Variants in NIBAN2 observed in about 807,000 individuals in gnomAD.
NIBAN2 encodes protein Niban 2.
NIBAN2 carries 36 observed loss-of-function variants against 81.8 expected under a neutral mutation model. That is an observed-to-expected ratio of 0.44 (90% CI 0.34 to 0.58). The LOEUF (loss-of-function observed/expected upper bound fraction) is 0.58. Among genes scored for constraint, NIBAN2 ranks in the 20% least tolerant of loss-of-function variants. The probability of loss-of-function intolerance (pLI) is 0.02; values close to 1 mark genes in which losing one functional copy is unlikely to be tolerated. For missense variants in NIBAN2, 897 were observed against 1,014.1 expected, an observed-to-expected ratio of 0.88 and a Z score of 1.57; for synonymous variants, 445 against 441.6, an observed-to-expected ratio of 1.01 and a Z score of -0.10.
chr9:127,571,208 A>C (rs956777190), upstream of NIBAN2, among the ~76,000 whole-genome samples: 1 of 147,908 alleles, frequency 6.8e-6, no homozygotes, highest in African/African-American at 2.7e-5. Flanking sequence ...CCTGCCTACC[A>C]TGTGAGGCCC....
chr9:127,578,801 G>A, intron 1 of NIBAN2: 1 of 923,466 alleles, frequency 1.1e-6, no homozygotes, highest in East Asian at 2.7e-5. Flanking sequence ...AGGCTGCATT[G>A]AGCTATGATC....
At chr9:127,576,721 TGG>T (rs1838012541) in intron 1 of NIBAN2, among the ~76,000 whole-genome samples, 1 of 151,034 alleles carries the variant, frequency 6.6e-6, no homozygotes. Context: ...GAGACCAGCC[TGG>T]GCAACATAGC....
rs1263601229 is a variant in NIBAN2 at position 127,508,937 on chromosome 9, G to A, written c.1317+39C>T. 13 of 1,611,638 alleles carry A rather than the reference G, an allele frequency of 8.1e-6. No homozygotes were observed. The highest frequency in any genetic ancestry group is 1.1e-5 in the South Asian group (1 of 90,970). On this transcript the variant is annotated intron_variant, in intron 10 of 13. Transcript: ENST00000373312. This position sits in a 1 kb window ranked among gnomAD's most constrained non-coding sequence, Gnocchi z 6.4. ...GGCGAGGGGGCCTGTGGAAGGCAGT[G>A]GACAGGGTGTGGGGTGGGGGTCGTA...
chr9:127,514,209 C>T (rs903536898), intron 8 of NIBAN2, among the ~76,000 whole-genome samples: 6 of 141,474 alleles, frequency 4.2e-5, no homozygotes, highest in East Asian at 4.1e-4. Context: ...GCAGGGGTTG[C>T]GGTGAGCTGA....
Position 127,545,257 on chromosome 9 carries a change from G to A in NIBAN2, c.56-13479C>T, listed in dbSNP as rs376150906. On this transcript the variant is annotated intron_variant, in intron 1 of 13. Coordinates refer to ENST00000373312, the MANE Select transcript of NIBAN2 (RefSeq NM_022833.4). This position sits in a 1 kb window ranked among gnomAD's most constrained non-coding sequence, Gnocchi z 4.7. ...GGAACCCTCCCTCCAGACAAGTCCCGGCCTCCCAGGTCTCCACAGCCTCCC... is the reference window on the plus strand; with the variant it reads ...GGAACCCTCCCTCCAGACAAGTCCCAGCCTCCCAGGTCTCCACAGCCTCCC... 3.6e-4 allele frequency among the ~76,000 whole-genome samples: 54 copies of A among 152,004 alleles called. No homozygotes were observed. The highest frequency in any genetic ancestry group is 9.4e-4 in the African/African-American group (39 of 41,420).
At chr9:127,569,248 C>T (rs1478579475), upstream of NIBAN2, among the ~76,000 whole-genome samples, 1 of 145,246 alleles carries the variant, frequency 6.9e-6, no homozygotes, top group African/African-American at 2.5e-5. Flanking sequence ...CCACCCAGCC[C>T]CTCCAGGGCC....
At chr9:127,564,938 T>A (rs540357311) in intron 1 of NIBAN2, among the ~76,000 whole-genome samples, 1 of 152,160 alleles carries the variant, frequency 6.6e-6, no homozygotes, top group African/African-American at 2.4e-5. Context: ...GGTTTGGAAA[T>A]GGTGACACAC....
At chr9:127,516,531 A>C (rs1025205574) in intron 8 of NIBAN2, among the ~76,000 whole-genome samples, 1 of 152,234 alleles carries the variant, frequency 6.6e-6, no homozygotes, top group Non-Finnish European at 1.5e-5. Flanking sequence ...CCTGGGTGAC[A>C]GAATAAACTG....
intron 1 of NIBAN2, among the ~76,000 whole-genome samples, chr9:127,566,211 G>A (rs1837856778): frequency 6.6e-6 from 1 of 152,102 alleles, no homozygotes. Flanking sequence ...GGAGATTTGT[G>A]GGGAAAATTT....
Position 127,545,872 on chromosome 9 carries a change from C to T in NIBAN2, c.56-14094G>A, listed in dbSNP as rs1467365227. On this transcript the variant is annotated intron_variant, in intron 1 of 13. Transcript: ENST00000373312. The surrounding 1 kb of genome is among the most constrained non-coding windows in gnomAD (Gnocchi z 4.7). ...GAAACAAAAGCCCTCTCATCCCCTC[C>T]TGCCCCCCACCCCGCCTGCCTGGCA... Among the ~76,000 whole-genome samples, 2 of 152,222 alleles carry T rather than the reference C, an allele frequency of 1.3e-5. No individual in the cohort carries two copies. Among genetic ancestry groups the T allele is most frequent in the Non-Finnish European group, 2.9e-5 (2 of 68,022 alleles).
chr9:127,549,606 G>T (rs1837539719), intron 1 of NIBAN2, among the ~76,000 whole-genome samples: 1 of 152,196 alleles, frequency 6.6e-6, no homozygotes, highest in Non-Finnish European at 1.5e-5. Context: ...CTGGGGAGGG[G>T]CGATTCTGCC....
chr9:127,514,405 T>C (rs1836788569), intron 8 of NIBAN2, among the ~76,000 whole-genome samples: 1 of 152,178 alleles, frequency 6.6e-6, no homozygotes, highest in African/African-American at 2.4e-5. Flanking sequence ...ACATCTCATG[T>C]ACCCCATAAA....
In NIBAN2 at chr9:127,507,637, TC is replaced by T. The variant is rs1186465014; in HGVS notation, c.1655-207del. On this transcript the variant is annotated intron_variant, in intron 13 of 13. Coordinates refer to ENST00000373312, the MANE Select transcript of NIBAN2 (RefSeq NM_022833.4). This position sits in a 1 kb window ranked among gnomAD's most constrained non-coding sequence, Gnocchi z 6.8. ...TGCTGACCACATGTCATCTAATCAC[TC>T]CTCTGACCCTCCCAGCAAAGCCAAG... 6.6e-6 allele frequency among the ~76,000 whole-genome samples: 1 copy of T among 152,088 alleles called. No individual in the cohort carries two copies. The highest frequency in any genetic ancestry group is 1.5e-5 in the Non-Finnish European group (1 of 68,000).
At chr9:127,518,052 G>A in intron 5 of NIBAN2, 111 bp from the exon 6 acceptor site, 1 of 641,656 alleles carries the variant, frequency 1.6e-6, no homozygotes, top group Non-Finnish European at 2.7e-6. Context: ...ATGCACCTCA[G>A]GAGGGGCAGC....
rs896321032 is a variant in NIBAN2 at position 127,536,474 on chromosome 9, C to A, written c.56-4696G>T. 1.3e-5 allele frequency among the ~76,000 whole-genome samples: 2 copies of A among 152,208 alleles called. No individual in the cohort carries two copies. Among genetic ancestry groups the A allele is most frequent in the African/African-American group, 4.8e-5 (2 of 41,448 alleles). ...CCTTCTTGCTCCCTGCAGTGGCTCT[C>A]CCCCGGCATTGTTGCTTCAGGATTT... is the stretch of plus-strand genomic sequence containing the variant. On this transcript the variant is annotated intron_variant, in intron 1 of 13. Transcript: ENST00000373312. The surrounding 1 kb of genome is among the most constrained non-coding windows in gnomAD (Gnocchi z 4.0).
chr9:127,527,221 G>T lies in NIBAN2; in HGVS notation c.288C>A (p.Tyr96Ter), dbSNP rs746952339. The T allele has an allele frequency of 6.2e-7, 1 of 1,613,876 alleles. No homozygotes were observed. The highest frequency in any genetic ancestry group is 8.5e-7 in the Non-Finnish European group (1 of 1,179,992). Residue 96 changes from tyrosine to a stop codon, truncating the protein, a stop_gained, in exon 3 of 14, where the codon TAC becomes TAA. Transcript: ENST00000373312. LOFTEE classifies it high-confidence loss of function. ...CTTTGTTTTCGTAGAGCACCAGCCC[G>T]TAGTTGTGGGGCACGAGGCTGAAGC... ...RNRFSLVPHNYGLVLYENKAA... is the reference protein window; with the variant it reads ...RNRFSLVPHN
At chr9:127,516,677 A>G (rs949784495) in intron 8 of NIBAN2, among the ~76,000 whole-genome samples, 180 bp downstream of exon 8, 11 of 152,256 alleles carry the variant, frequency 7.2e-5, no homozygotes, top group African/African-American at 2.7e-4. Context: ...CTGGGCTTAT[A>G]GAAATAATAG....
intron 1 of NIBAN2, among the ~76,000 whole-genome samples, chr9:127,544,149 C>T (rs973769383): frequency 3.9e-5 from 6 of 152,196 alleles, no homozygotes; most frequent in African/African-American, 1.2e-4. Context: ...ATTCCTTGCT[C>T]GACTGGCAGC....
At chr9:127,528,082 A>G (rs879393182) in intron 2 of NIBAN2, among the ~76,000 whole-genome samples, 15 of 152,206 alleles carry the variant, frequency 9.9e-5, no homozygotes, top group Non-Finnish European at 1.9e-4. Context: ...AAATGGGAAC[A>G]GTAAGAGTTG....
Sources: gnomAD v4.1 joint callset for allele counts (sites outside exome capture counted in the v4.1 genomes callset) on GRCh38, gnomAD v4.1.1 for gene constraint, Gnocchi (gnomAD v3.1) non-coding constraint, MANE v1.5 for transcripts, NCBI Gene and HGNC (gene_info 2026-07-23, HGNC 2026-07-21) for gene names.